The following NCKAP1 variants were observed in gnomAD, a reference collection of about 807,000 sequenced individuals.
NCKAP1 encodes the protein nck-associated protein 1.
In NCKAP1, 21 loss-of-function variants were observed where a neutral mutation model predicts 151.2. That is an observed-to-expected ratio of 0.14 (90% CI 0.10 to 0.20). The LOEUF is 0.20. Ranked by LOEUF, NCKAP1 falls within the 10% of genes least tolerant of loss-of-function variation. NCKAP1 has a pLI of 1.00. For synonymous variants in NCKAP1, 484 were observed against 451.8 expected (o/e 1.07, Z -0.90); for missense variants, 933 against 1,352.1 (o/e 0.69, Z 4.86).
chr2:183,002,875 T>C (rs1698400309), intron 4 of NCKAP1, 99 bp downstream of exon 4: 1 of 774,864 alleles, frequency 1.3e-6, no homozygotes. Flanking sequence ...GCTAAAACTT[T>C]ATATGCTAGT....
In NCKAP1 at chr2:183,002,223, G is replaced by A. The variant is rs1302703765; in HGVS notation, c.416C>T (p.Thr139Ile). 1 of 1,571,926 alleles carries A rather than the reference G, an allele frequency of 6.4e-7. No homozygotes were observed. Among genetic ancestry groups the A allele is most frequent in the Non-Finnish European group, 8.7e-7 (1 of 1,143,862 alleles). ...LTKNYLDLII[T>I]YTTLMILLSR... The stretch of plus-strand genomic sequence containing the variant: ...CAGCAGTATCATTAGTGTTGTATAG[G>A]TTATAATTAAATCTAAGTAGTTCTT... Residue 139 changes from threonine (T) to isoleucine (I), a missense_variant, in exon 5 of 31, where the codon ACC becomes ATC. By Grantham distance (89) the Thr-to-Ile change is moderately conservative. Transcript: ENST00000361354.
rs556222529 is a variant in NCKAP1 at position 182,942,279 on chromosome 2, C to T, written c.2602-116G>A. ...GGAAACACAATTCATGAAATCCAGACGCTCTATGCTACATATATTTTTTTG... is the reference window on the plus strand; with the variant it reads ...GGAAACACAATTCATGAAATCCAGATGCTCTATGCTACATATATTTTTTTG... On this transcript the variant is annotated intron_variant, in intron 23 of 30. Transcript: ENST00000361354. 1.0e-4 allele frequency: 69 copies of T among 689,588 alleles called. 1 individual carries two copies. Among genetic ancestry groups the T allele is most frequent in the South Asian group, 6.3e-4 (29 of 46,294 alleles). 42.7% of individuals were successfully genotyped at this position (689,588 alleles called of 1,614,324 possible).
chr2:183,013,995 C>CCTAAGTAAATTACATCTGCCA (rs1698636195), intron 2 of NCKAP1, among the ~76,000 whole-genome samples: 1 of 152,122 alleles, frequency 6.6e-6, no homozygotes, highest in South Asian at 2.1e-4. Context: ...TCCTGGTCAC[C>CCTAAGTAAATTACATCTGCCA]CTAAGTAAAT....
intron 6 of NCKAP1, among the ~76,000 whole-genome samples, chr2:182,998,195 C>A (rs1038755839): frequency 1.3e-5 from 2 of 152,134 alleles, no homozygotes; most frequent in Admixed American, 6.5e-5. Flanking sequence ...GCAGTGCCAT[C>A]TATGACAAAC....
rs550264112 is a variant in NCKAP1, at chr2:183,036,043, G to T, written c.108+1949C>A. On this transcript the variant is annotated intron_variant, in intron 1 of 30. Transcript: ENST00000361354. ...TCAATAAATCAAAATATTTGACATG[G>T]ATATAATAATGATCACATTCAATGC... Among the ~76,000 whole-genome samples the T allele has an allele frequency of 1.2e-4, 18 of 152,150 alleles. No individual in the cohort carries two copies. The East Asian group carries it at 3.5e-3, about 29-fold the overall frequency.
intron 15 of NCKAP1, among the ~76,000 whole-genome samples, chr2:182,974,851 T>C (rs1331750868): frequency 2.0e-5 from 3 of 152,148 alleles, no homozygotes; most frequent in African/African-American, 7.2e-5. Context: ...TAGCTAATAA[T>C]GCTCTTATAA....
At chr2:182,979,294 C>T (rs1248285910) in intron 13 of NCKAP1, among the ~76,000 whole-genome samples, 1 of 151,978 alleles carries the variant, frequency 6.6e-6, no homozygotes, top group Non-Finnish European at 1.5e-5. Flanking sequence ...TGGAAAAGTT[C>T]TGTCTTGAAT....
intron 18 of NCKAP1, among the ~76,000 whole-genome samples, chr2:182,960,125 A>T (rs933518565): frequency 1.3e-5 from 2 of 152,238 alleles, no homozygotes; most frequent in African/African-American, 4.8e-5. Context: ...ATGGGTAGGA[A>T]GAATCAATAT....
chr2:183,008,812 C>T (rs149379779), intron 2 of NCKAP1, among the ~76,000 whole-genome samples: 93 of 152,268 alleles, frequency 6.1e-4, no homozygotes, highest in African/African-American at 2.1e-3. Context: ...AAATACTTCA[C>T]ATTATGTCCT....
chr2:183,009,479 C>G (rs112659061), intron 2 of NCKAP1, among the ~76,000 whole-genome samples: 13,361 of 104,018 alleles, frequency 0.13, 712 homozygotes, highest in Non-Finnish European at 0.18. Context: ...AGGAAGGAAG[C>G]AAGCAAGCAA....
At position 182,913,848 on chromosome 2, in the gene NCKAP1, CT is replaced by C. The variant is rs1227493947; in HGVS notation, c.*11853del. 1 of 152,370 alleles carries C rather than the reference CT, an allele frequency of 6.6e-6. No individual in the cohort carries two copies. The highest frequency in any genetic ancestry group is 2.4e-5 in the African/African-American group (1 of 41,440). 9.4% of individuals were successfully genotyped at this position (152,370 alleles called of 1,614,324 possible). On this transcript the variant is annotated 3_prime_UTR_variant, in exon 31 of 31. Coordinates refer to ENST00000361354, the MANE Select transcript of NCKAP1 (RefSeq NM_013436.5). ...TTTTCCTGATCAGCACTCTGATGCTCTCTGCCCCCACAGCCTGTGGAAATAC... is the reference window on the plus strand; with the variant it reads ...TTTTCCTGATCAGCACTCTGATGCTCCTGCCCCCACAGCCTGTGGAAATAC...
Position 182,942,062 on chromosome 2 carries a change from T to C in NCKAP1, c.2695+8A>G, listed in dbSNP as rs770256901. The C allele has an allele frequency of 3.8e-6, 6 of 1,596,392 alleles. No individual in the cohort carries two copies. Among genetic ancestry groups the C allele is most frequent in the Non-Finnish European group, 4.3e-6 (5 of 1,168,752 alleles). ...TTATGTTTATAAAAAGTATCATGAGTTACCCACATGATAATCTTTTAAACA... is the reference window on the plus strand; with the variant it reads ...TTATGTTTATAAAAAGTATCATGAGCTACCCACATGATAATCTTTTAAACA... On this transcript the variant is annotated splice_region_variant and intron_variant, in intron 24 of 30. Coordinates refer to ENST00000361354, the MANE Select transcript of NCKAP1 (RefSeq NM_013436.5).
intron 8 of NCKAP1, among the ~76,000 whole-genome samples, chr2:182,993,713 G>C (rs1353619485): frequency 6.6e-6 from 1 of 150,432 alleles, no homozygotes; most frequent in African/African-American, 2.5e-5. Context: ...ATAGACACCA[G>C]GGCCTACTTG....
At position 182,914,629 on chromosome 2, in the gene NCKAP1, C is replaced by T. The variant is rs1163179532; in HGVS notation, c.*11073G>A. On this transcript the variant is annotated 3_prime_UTR_variant, in exon 31 of 31. Transcript: ENST00000361354. ...TAGCATATTCTCTCCTTTTCTGGTTCCCTTTAAAACTTAAGTCACTTAGAA... is the reference window on the plus strand; with the variant it reads ...TAGCATATTCTCTCCTTTTCTGGTTTCCTTTAAAACTTAAGTCACTTAGAA... 1 of 152,110 alleles carries T rather than the reference C, an allele frequency of 6.6e-6. No homozygotes were observed. The highest frequency in any genetic ancestry group is 1.5e-5 in the Non-Finnish European group (1 of 68,022). 9.4% of individuals were successfully genotyped at this position (152,110 alleles called of 1,614,324 possible).
At chr2:182,989,249 G>C in intron 8 of NCKAP1, 63 bp from the exon 9 acceptor site, 1 of 1,382,968 alleles carries the variant, frequency 7.2e-7, no homozygotes, top group Non-Finnish European at 9.9e-7. Context: ...TTTGGTGACA[G>C]TGTAGCTTTT....
intron 23 of NCKAP1, among the ~76,000 whole-genome samples, chr2:182,951,646 AAAAAAAC>A (rs1259498532): frequency 1.3e-5 from 2 of 150,942 alleles, no homozygotes; most frequent in African/African-American, 4.8e-5. Flanking sequence ...CAAAAAAAAA[AAAAAAAC>A]AAACAAACAA....
Position 183,002,308 on chromosome 2 carries a change from T to C in NCKAP1, c.370-39A>G, listed in dbSNP as rs1433575445. ...AAATCAAGTTCAACTACTTCCTATT[T>C]CTTAAAATTTTAAACACACACAAAA... On this transcript the variant is annotated intron_variant, in intron 4 of 30. Coordinates refer to ENST00000361354, the MANE Select transcript of NCKAP1 (RefSeq NM_013436.5). 2.2e-6 allele frequency: 3 copies of C among 1,363,390 alleles called. No individual in the cohort carries two copies. The South Asian group carries it at 4.2e-5, about 19-fold the overall frequency. The allele number at this position is 1,363,390 out of a possible 1,614,324, so 84.5% of individuals were successfully genotyped here.
At chr2:182,952,370 T>A (rs778212774) in intron 23 of NCKAP1, 35 bp downstream of exon 23, 19 of 1,371,082 alleles carry the variant, frequency 1.4e-5, no homozygotes, top group Non-Finnish European at 1.9e-5. Context: ...CAGGAATTAA[T>A]GTTTAAAAGC....
chr2:183,032,173 TG>T, intron 1 of NCKAP1, among the ~76,000 whole-genome samples: 1 of 152,262 alleles, frequency 6.6e-6, no homozygotes, highest in Admixed American at 6.5e-5. Context: ...CTCCTCACTT[TG>T]TAAGTAACCT....
Sources: gnomAD v4.1 joint callset for allele counts (sites outside exome capture counted in the v4.1 genomes callset) on GRCh38, gnomAD v4.1.1 for gene constraint, MANE v1.5 for transcripts, NCBI Gene and HGNC (gene_info 2026-07-23, HGNC 2026-07-21) for gene names.